NRG1: variants seen among roughly 807,000 people sequenced by gnomAD.
NRG1 encodes pro-neuregulin-1, membrane-bound isoform.
Under a neutral mutation model 63.8 loss-of-function variants are expected in NRG1, and 18 were observed. That is an observed-to-expected ratio of 0.28 (90% CI 0.19 to 0.42). The LOEUF (loss-of-function observed/expected upper bound fraction) is 0.42. Among genes scored for constraint, NRG1 ranks in the 10% least tolerant of loss-of-function variants. NRG1 has a pLI of 1.00. For synonymous variants in NRG1, 302 were observed against 301.3 expected (o/e 1.00, Z -0.02); for missense variants, 762 against 814.7 (o/e 0.94, Z 0.79).
chr8:31,880,208 T>C (rs1471920966), intron 1 of NRG1, among the ~76,000 whole-genome samples: 1 of 152,188 alleles, frequency 6.6e-6, no homozygotes, highest in Non-Finnish European at 1.5e-5. Context: ...AATGTATTCA[T>C]GACATAAATG....
intron 1 of NRG1, among the ~76,000 whole-genome samples, chr8:31,730,069 C>A (rs1008849128): frequency 6.6e-6 from 1 of 152,068 alleles, no homozygotes; most frequent in Non-Finnish European, 1.5e-5. Context: ...AAGAGCAATA[C>A]AGTCAAACTG....
At chr8:32,397,931 G>A (rs1446060419) in intron 1 of NRG1, among the ~76,000 whole-genome samples, 1 of 152,156 alleles carries the variant, frequency 6.6e-6, no homozygotes, top group African/African-American at 2.4e-5. Context: ...TTAAAGACAT[G>A]TACCTTCCAA....
chr8:31,738,795 G>T (rs568805612), intron 1 of NRG1, among the ~76,000 whole-genome samples: 2 of 151,992 alleles, frequency 1.3e-5, no homozygotes, highest in African/African-American at 4.8e-5. Flanking sequence ...TCTGTCATTC[G>T]ATGGTGTCTC....
intron 5 of NRG1, among the ~76,000 whole-genome samples, chr8:32,702,159 A>T (rs1310634847): frequency 1.3e-5 from 2 of 152,204 alleles, no homozygotes; most frequent in Non-Finnish European, 2.9e-5. Flanking sequence ...AATCGATAGG[A>T]AATGGATGTT....
At chr8:31,851,700 T>A (rs1827240264) in intron 1 of NRG1, among the ~76,000 whole-genome samples, 1 of 151,364 alleles carries the variant, frequency 6.6e-6, no homozygotes. Context: ...GCTGGTGCGC[T>A]GCACCCACTA....
intron 1 of NRG1, among the ~76,000 whole-genome samples, chr8:32,103,864 C>G (rs571501823): frequency 2.0e-5 from 3 of 152,214 alleles, no homozygotes; most frequent in African/African-American, 4.8e-5. Context: ...CAGGGCATCT[C>G]CCACCCTGAC....
At chr8:32,303,672 T>C (rs1855884357) in intron 1 of NRG1, among the ~76,000 whole-genome samples, 1 of 152,226 alleles carries the variant, frequency 6.6e-6, no homozygotes, top group South Asian at 2.1e-4. Flanking sequence ...CGTTTTCTCA[T>C]CCAATTCCGA....
At chr8:32,171,427 G>C (rs1381990639) in intron 1 of NRG1, 1 of 152,362 alleles carries the variant, frequency 6.6e-6, no homozygotes, top group Admixed American at 6.5e-5. Flanking sequence ...GAGCGACGCA[G>C]AAGACAGGTG....
chr8:32,169,524 G>A (rs894668940), intron 1 of NRG1, among the ~76,000 whole-genome samples: 3 of 152,208 alleles, frequency 2.0e-5, no homozygotes, highest in African/African-American at 7.2e-5. Flanking sequence ...GGTTGGGTTT[G>A]ACAGTGATTA....
intron 1 of NRG1, among the ~76,000 whole-genome samples, chr8:32,048,815 T>G (rs931996233): frequency 3.3e-5 from 5 of 151,982 alleles, no homozygotes; most frequent in East Asian, 1.9e-4. Flanking sequence ...TTAATCGGGT[T>G]GTTTTGTTGC....
At chr8:31,719,116 G>T (rs1024540543) in intron 1 of NRG1, among the ~76,000 whole-genome samples, 3 of 152,090 alleles carry the variant, frequency 2.0e-5, no homozygotes, top group African/African-American at 7.2e-5. Flanking sequence ...CGGGTAATCT[G>T]GTAGGTGGCC....
chr8:32,215,260 A>G (rs538306286), intron 1 of NRG1, among the ~76,000 whole-genome samples: 117 of 152,308 alleles, frequency 7.7e-4, no homozygotes, highest in African/African-American at 2.7e-3. Flanking sequence ...GAAACTCAGC[A>G]AAAAGGGCTA....
chr8:32,073,030 G>A (rs1298610795), intron 1 of NRG1, among the ~76,000 whole-genome samples: 1 of 151,870 alleles, frequency 6.6e-6, no homozygotes, highest in African/African-American at 2.4e-5. Flanking sequence ...TGGTCAAAGA[G>A]ATAGCCTGAG....
chr8:32,401,383 G>C (rs779659531), intron 1 of NRG1, among the ~76,000 whole-genome samples: 2 of 152,084 alleles, frequency 1.3e-5, no homozygotes, highest in African/African-American at 2.4e-5. Context: ...CCCATTCCCT[G>C]TTCCTTAGTT....
chr8:32,488,511 C>G (rs1323654789), intron 1 of NRG1, among the ~76,000 whole-genome samples: 10 of 152,148 alleles, frequency 6.6e-5, no homozygotes, highest in African/African-American at 2.4e-4. Context: ...CACAGTGGCT[C>G]ACATCTGTAA....
At chr8:31,658,948 G>A (rs1164026348) in intron 1 of NRG1, among the ~76,000 whole-genome samples, 1 of 152,146 alleles carries the variant, frequency 6.6e-6, no homozygotes, top group Admixed American at 6.5e-5. Context: ...GCATGCCAAA[G>A]GTCCTTTGAC....
At chr8:32,132,950 T>TCTTCCTTC (rs920001258) in intron 1 of NRG1, among the ~76,000 whole-genome samples, 5 of 151,878 alleles carry the variant, frequency 3.3e-5, no homozygotes, top group African/African-American at 7.3e-5. Flanking sequence ...AATTGGCCAG[T>TCTTCCTTC]CTTCCTTCCT....
At chr8:32,144,100 G>A (rs915644095) in intron 1 of NRG1, among the ~76,000 whole-genome samples, 8 of 152,220 alleles carry the variant, frequency 5.3e-5, no homozygotes, top group South Asian at 2.1e-4. Flanking sequence ...CAGGCCAATC[G>A]GCAGTGGAGA....
At chr8:32,614,386 G>C in intron 3 of NRG1, 128 bp from the exon 4 acceptor site, 1 of 789,998 alleles carries the variant, frequency 1.3e-6, no homozygotes, top group Non-Finnish European at 2.1e-6. Flanking sequence ...GTTAAAGCCT[G>C]GACTTTTCTC....
Sources: allele counts gnomAD v4.1 joint callset (sites outside exome capture counted in the v4.1 genomes callset), GRCh38; gene constraint gnomAD v4.1.1; transcripts MANE v1.5; gene names NCBI Gene and HGNC (gene_info 2026-07-23, HGNC 2026-07-21).